The following GLG1 variants were observed in gnomAD, a reference collection of about 807,000 sequenced individuals.
The protein encoded by GLG1 is golgi glycoprotein 1, also known as Golgi apparatus protein 1.
GLG1 carries 38 observed loss-of-function variants against 160.5 expected under a neutral mutation model. The ratio of observed to expected loss-of-function variants is 0.24; its 90% CI spans 0.18 to 0.31. The LOEUF is 0.31. Ranked by LOEUF, GLG1 falls within the 10% of genes least tolerant of loss-of-function variation. The probability of loss-of-function intolerance (pLI) is 1.00; values close to 1 mark genes in which losing one functional copy is unlikely to be tolerated. For synonymous variants in GLG1, 644 were observed against 543.4 expected, an observed-to-expected ratio of 1.19 and a Z score of -2.57; for missense variants, 1,373 against 1,505.2, an observed-to-expected ratio of 0.91 and a Z score of 1.45.
At chr16:74,459,650 T>G (rs761053448) in intron 23 of GLG1, 32 bp downstream of exon 23, 16 of 1,066,042 alleles carry the variant, frequency 1.5e-5, no homozygotes, top group Non-Finnish European at 2.3e-5. Context: ...AAAAAAGAAA[T>G]GAAGTGAGGA....
chr16:74,557,482 T>A (rs1386145359), intron 1 of GLG1, among the ~76,000 whole-genome samples: 1 of 151,760 alleles, frequency 6.6e-6, no homozygotes, highest in Non-Finnish European at 1.5e-5. Context: ...AGCCCAAGAG[T>A]GTGAGCAGGT....
intron 8 of GLG1, among the ~76,000 whole-genome samples, chr16:74,487,248 T>G (rs1010258022): frequency 6.6e-6 from 1 of 152,098 alleles, no homozygotes; most frequent in African/African-American, 2.4e-5. Flanking sequence ...ATTTGAAAAC[T>G]ATAATCCTTA....
intron 1 of GLG1, among the ~76,000 whole-genome samples, chr16:74,586,176 C>A (rs1361151236): frequency 6.6e-6 from 1 of 150,950 alleles, no homozygotes; most frequent in Non-Finnish European, 1.5e-5. Context: ...AAAACAAAAA[C>A]AAAGGCAAGG....
intron 2 of GLG1, among the ~76,000 whole-genome samples, chr16:74,530,592 T>C (rs1162908402): frequency 6.6e-6 from 1 of 152,118 alleles, no homozygotes; most frequent in Non-Finnish European, 1.5e-5. Context: ...GGCTAGAGAA[T>C]GCTTAAATAC....
At chr16:74,524,911 G>C (rs1033216930) in intron 2 of GLG1, among the ~76,000 whole-genome samples, 1 of 152,068 alleles carries the variant, frequency 6.6e-6, no homozygotes, top group Non-Finnish European at 1.5e-5. Flanking sequence ...CCTTCTTTCT[G>C]TCTTTGTGTC....
intron 1 of GLG1, among the ~76,000 whole-genome samples, chr16:74,539,608 A>G (rs540008006): frequency 6.6e-6 from 1 of 151,794 alleles, no homozygotes; most frequent in East Asian, 2.0e-4. Flanking sequence ...GTCAAGTACT[A>G]ATTAAGTCAT....
intron 1 of GLG1, among the ~76,000 whole-genome samples, chr16:74,544,753 G>T (rs989997291): frequency 2.0e-5 from 3 of 152,130 alleles, no homozygotes; most frequent in Non-Finnish European, 4.4e-5. Context: ...TCCCACCTCG[G>T]CCTCCCAAAG....
intron 1 of GLG1, among the ~76,000 whole-genome samples, chr16:74,556,365 C>A (rs927980516): frequency 6.6e-6 from 1 of 152,066 alleles, no homozygotes; most frequent in Non-Finnish European, 1.5e-5. Context: ...ATTTAAAGTT[C>A]TTTGACTAGG....
chr16:74,502,553 G>A (rs1046469874), intron 4 of GLG1, among the ~76,000 whole-genome samples: 1 of 146,792 alleles, frequency 6.8e-6, no homozygotes, highest in African/African-American at 2.5e-5. Context: ...TTTTTTTTTT[G>A]TTTTTTTTGA....
intron 11 of GLG1, among the ~76,000 whole-genome samples, chr16:74,479,842 T>C (rs1235653445): frequency 1.3e-5 from 2 of 152,172 alleles, no homozygotes; most frequent in South Asian, 4.1e-4. Context: ...AACCAGTCCA[T>C]GGGCAGACAA....
chr16:74,508,862 C>T lies in GLG1; in HGVS notation c.535G>A (p.Val179Ile). 6.6e-7 allele frequency: 1 copy of T among 1,521,506 alleles called. No individual in the cohort carries two copies. The highest frequency in any genetic ancestry group is 9.1e-7 in the Non-Finnish European group (1 of 1,096,664). The allele number at this position is 1,521,506 out of a possible 1,614,324, so 94.3% of individuals were successfully genotyped here. The change falls in exon 3 of 26, where the codon GTT (valine) becomes ATT (isoleucine). Residue 179 changes from valine to isoleucine, a missense_variant. Transcript: ENST00000422840. ...ACCTCTGTTATAGTAGATTTGCAAACCTCTCTGGCCACAGATTCAAATTTG... is the reference window on the plus strand; with the variant it reads ...ACCTCTGTTATAGTAGATTTGCAAATCTCTCTGGCCACAGATTCAAATTTG... ...DPKFESVARE[V>I]CKSTITEIKE... is the part of the protein sequence containing the mutation.
chr16:74,600,078 C>T (rs1359116026), intron 1 of GLG1, among the ~76,000 whole-genome samples: 3 of 151,790 alleles, frequency 2.0e-5, no homozygotes, highest in Admixed American at 6.6e-5. Flanking sequence ...GAAAGATAAT[C>T]CAGTGTTAGT....
At chr16:74,507,772 A>T (rs2016665967) in intron 3 of GLG1, among the ~76,000 whole-genome samples, 1 of 152,164 alleles carries the variant, frequency 6.6e-6, no homozygotes, top group Admixed American at 6.5e-5. Context: ...ATAGTACCAC[A>T]ATATAGAGGG....
chr16:74,498,448 G>GTATACATATATATATATATATATATA (rs2016281734), intron 4 of GLG1, among the ~76,000 whole-genome samples: 2 of 24,038 alleles, frequency 8.3e-5, no homozygotes, highest in African/African-American at 2.8e-4. Flanking sequence ...AAAAAAAAAA[G>GTATACATATATATATATATATATATA]TATATATATA....
chr16:74,529,809 G>GTTGTTT (rs201693911), intron 2 of GLG1, among the ~76,000 whole-genome samples: 1 of 104,098 alleles, frequency 9.6e-6, no homozygotes, highest in African/African-American at 3.7e-5. Flanking sequence ...CTCTTTGAGA[G>GTTGTTT]TTCTTTTTTT....
At chr16:74,495,485 A>C (rs2016152191) in intron 5 of GLG1, among the ~76,000 whole-genome samples, 1 of 152,208 alleles carries the variant, frequency 6.6e-6, no homozygotes, top group Non-Finnish European at 1.5e-5. Context: ...TGATGGTTAA[A>C]GCTGTTAATG....
At chr16:74,566,928 G>A (rs917761269) in intron 1 of GLG1, among the ~76,000 whole-genome samples, 3 of 152,060 alleles carry the variant, frequency 2.0e-5, no homozygotes, top group Non-Finnish European at 2.9e-5. Context: ...AACACATATT[G>A]CTAAGATGTG....
intron 2 of GLG1, among the ~76,000 whole-genome samples, chr16:74,522,312 G>C (rs1434365458): frequency 6.6e-6 from 1 of 152,190 alleles, no homozygotes; most frequent in Non-Finnish European, 1.5e-5. Context: ...TGTATCATTT[G>C]CTATGCTTTA....
intron 1 of GLG1, among the ~76,000 whole-genome samples, chr16:74,570,768 G>C (rs996921042): frequency 1.2e-4 from 18 of 152,142 alleles, no homozygotes; most frequent in African/African-American, 4.3e-4. Context: ...CACGCCTACA[G>C]ACACAGCCAC....
Sources: gnomAD v4.1 joint callset for allele counts (sites outside exome capture counted in the v4.1 genomes callset) on GRCh38, gnomAD v4.1.1 for gene constraint, MANE v1.5 for transcripts, NCBI Gene and HGNC (gene_info 2026-07-23, HGNC 2026-07-21) for gene names.